The following KLHDC4 variants were observed in gnomAD, a reference collection of about 807,000 sequenced individuals.
The protein encoded by KLHDC4 is kelch domain-containing protein 4.
KLHDC4 carries 90 observed loss-of-function variants against 62.4 expected under a neutral mutation model. That is an observed-to-expected ratio of 1.44 (90% confidence interval 1.22 to 1.72). The LOEUF is 1.72. Among genes scored for constraint, KLHDC4 ranks in the 40% most tolerant of loss-of-function variants. The pLI is 0.00. For missense variants in KLHDC4, 1,025 were observed against 699.7 expected (o/e 1.47, Z -5.25); for synonymous variants, 386 against 284.4 (o/e 1.36, Z -3.59).
chr16:87,705,883 GA>G (rs1162241765), downstream of KLHDC4, among the ~76,000 whole-genome samples: 2 of 152,206 alleles, frequency 1.3e-5, no homozygotes, highest in African/African-American at 4.8e-5. Context: ...AGAGTGTGAG[GA>G]AAGGACCTTG....
chr16:87,731,043 A>ATT (rs2040265898), intron 5 of KLHDC4: 1 of 128,424 alleles, frequency 7.8e-6, no homozygotes, highest in Admixed American at 9.0e-5. Flanking sequence ...TACATACAGA[A>ATT]TTCTTTTTTT....
downstream of KLHDC4, among the ~76,000 whole-genome samples, chr16:87,705,406 C>T (rs1326875181): frequency 2.0e-5 from 3 of 152,252 alleles, no homozygotes; most frequent in Non-Finnish European, 4.4e-5. Flanking sequence ...GTTTTCATCA[C>T]GGCCGTGACA....
chr16:87,727,744 G>A (rs2143001161), intron 6 of KLHDC4, among the ~76,000 whole-genome samples: 1 of 152,296 alleles, frequency 6.6e-6, no homozygotes, highest in Non-Finnish European at 1.5e-5. Context: ...AAAAAGGAGA[G>A]CCAAACTCAT....
chr16:87,763,198 C>G (rs1350541069), intron 1 of KLHDC4, among the ~76,000 whole-genome samples: 1 of 152,256 alleles, frequency 6.6e-6, no homozygotes, highest in South Asian at 2.1e-4. Flanking sequence ...CACATTCCCT[C>G]AAGTAACCAC....
rs1201072908 is a variant in KLHDC4 at position 87,765,965 on chromosome 16, C to T, written c.-75G>A. On this transcript the variant is annotated 5_prime_UTR_variant, in exon 1 of 12. Coordinates refer to ENST00000270583, the MANE Select transcript of KLHDC4 (RefSeq NM_017566.4). ...CGCTCTCCGCTCGGAAACAGGTGCT[C>T]GTGGGGCGGAGCTCGGCGCACAGAA... 5 of 1,421,908 alleles carry T rather than the reference C, an allele frequency of 3.5e-6. No individual in the cohort carries two copies. The highest frequency in any genetic ancestry group is 4.8e-6 in the Non-Finnish European group (5 of 1,037,696). 88.1% of individuals were successfully genotyped at this position (1,421,908 alleles called of 1,614,324 possible). A position where few individuals can be genotyped will look rare whatever the true frequency, so the allele number is the denominator to read the frequency against.
At position 87,711,284 on chromosome 16, in the gene KLHDC4, A is replaced by C; in HGVS notation, c.995T>G (p.Leu332Arg). The C allele has an allele frequency of 6.2e-7, 1 of 1,614,166 alleles. No homozygotes were observed. Residue 332 changes from leucine (L) to arginine (R), a missense_variant, in exon 9 of 12, where the codon CTG becomes CGG. Transcript: ENST00000270583. ...ESLSGEFFND[L>R]YFYDATRNRW... ...GTTCCTGGTGGCGTCGTAGAAGTAC[A>C]GATCGTTGAAGAACTCGCCCGACAG...
intron 9 of KLHDC4, chr16:87,709,904 C>A: frequency 3.6e-6 from 2 of 562,700 alleles, no homozygotes; most frequent in Non-Finnish European, 6.3e-6. Context: ...AAACCCCCCA[C>A]TGCGTGTCCT....
intron 8 of KLHDC4, among the ~76,000 whole-genome samples, chr16:87,713,717 T>C (rs188045098): frequency 5.6e-4 from 85 of 152,010 alleles, no homozygotes; most frequent in Non-Finnish European, 1.0e-3. Context: ...TAGAAGGTGG[T>C]GAGAGTGGCT....
At chr16:87,757,676 G>A (rs2045198041) in intron 2 of KLHDC4, among the ~76,000 whole-genome samples, 1 of 151,898 alleles carries the variant, frequency 6.6e-6, no homozygotes, top group Admixed American at 6.6e-5. Flanking sequence ...GATCACCTGA[G>A]GTGAGGAGTT....
intron 5 of KLHDC4, among the ~76,000 whole-genome samples, chr16:87,734,010 C>T (rs2040849619): frequency 6.6e-6 from 1 of 152,184 alleles, no homozygotes; most frequent in South Asian, 2.1e-4. Context: ...AACCCACTTA[C>T]AGGGTTTTAT....
intron 7 of KLHDC4, among the ~76,000 whole-genome samples, chr16:87,720,401 G>A (rs1009952401): frequency 2.6e-5 from 4 of 152,292 alleles, no homozygotes; most frequent in Middle Eastern, 3.4e-3. Context: ...TGTCCATCCA[G>A]GCGCCCGAAG....
At chr16:87,764,406 T>C (rs952915328) in intron 1 of KLHDC4, among the ~76,000 whole-genome samples, 3 of 151,838 alleles carry the variant, frequency 2.0e-5, no homozygotes, top group African/African-American at 7.3e-5. Context: ...TCCCAGCACT[T>C]TGGGAGGCCG....
chr16:87,714,383 T>A, intron 8 of KLHDC4, 115 bp downstream of exon 8: 11 of 766,086 alleles, frequency 1.4e-5, no homozygotes, highest in African/African-American at 2.9e-5. Flanking sequence ...GGCCCTCCGC[T>A]CCGGGCAGGG....
chr16:87,702,655 C>A (rs1179505381), upstream of KLHDC4: 5 of 234,276 alleles, frequency 2.1e-5, no homozygotes, highest in African/African-American at 2.2e-5. Flanking sequence ...ACCACAGGGG[C>A]CTCTCTGCTC....
chr16:87,754,207 G>A (rs7195441), intron 4 of KLHDC4, among the ~76,000 whole-genome samples: 39,204 of 151,888 alleles, frequency 0.26, 5,423 homozygotes, highest in South Asian at 0.45. Context: ...CCAGTCAGGT[G>A]TGGTGAGGGG....
chr16:87,708,827 C>G (rs546549958), intron 10 of KLHDC4, among the ~76,000 whole-genome samples: 28 of 152,350 alleles, frequency 1.8e-4, no homozygotes, highest in Non-Finnish European at 2.9e-4. Flanking sequence ...GCTTTAGTCT[C>G]AGATCTTTAA....
intron 5 of KLHDC4, among the ~76,000 whole-genome samples, chr16:87,747,887 G>C (rs1384757211): frequency 1.3e-5 from 2 of 152,220 alleles, no homozygotes; most frequent in Non-Finnish European, 2.9e-5. Context: ...GAGAAGGCCT[G>C]TGTGCGGCGG....
In KLHDC4 at chr16:87,709,552, T is replaced by G. The variant is rs753166636; in HGVS notation, c.1160A>C (p.Glu387Ala). The G allele has an allele frequency of 1.2e-6, 2 of 1,612,706 alleles. No homozygotes were observed. The highest frequency in any genetic ancestry group is 1.7e-6 in the Non-Finnish European group (2 of 1,179,952). ...GTQGPVQLVK[E>A]VVAEDGTVVT... Reference sequence around the variant, plus strand: ...CACGGTGCCATCCTCGGCCACCACCTCCTTGACCAGCTGCACAGGCCCCTG... The same window carrying G: ...CACGGTGCCATCCTCGGCCACCACCGCCTTGACCAGCTGCACAGGCCCCTG... The change falls in exon 10 of 12, where the codon GAG becomes GCG. Residue 387 changes from glutamate (E) to alanine (A), a missense_variant. Coordinates refer to ENST00000270583, the MANE Select transcript of KLHDC4 (RefSeq NM_017566.4).
intron 4 of KLHDC4, among the ~76,000 whole-genome samples, chr16:87,753,615 C>T (rs1456516483): frequency 6.6e-6 from 1 of 150,866 alleles, no homozygotes; most frequent in African/African-American, 2.5e-5. Context: ...GCCTGGCCAA[C>T]ATGGTGAAAC....
Sources: allele counts gnomAD v4.1 joint callset (sites outside exome capture counted in the v4.1 genomes callset), GRCh38; gene constraint gnomAD v4.1.1; transcripts MANE v1.5; gene names NCBI Gene and HGNC (gene_info 2026-07-23, HGNC 2026-07-21).